Variants in SMYD3 observed in about 807,000 individuals in gnomAD.
SMYD3 encodes SET and MYND domain containing 3, also known as histone-lysine N-methyltransferase SMYD3.
In SMYD3, 36 loss-of-function variants were observed where a neutral mutation model predicts 57.7. The ratio of observed to expected loss-of-function variants is 0.62; its 90% CI spans 0.48 to 0.82. SMYD3 has a LOEUF of 0.82. SMYD3 is among the 40% of genes least tolerant of loss of function. The pLI is 0.00. For synonymous variants in SMYD3, 211 were observed against 195.0 expected, an observed-to-expected ratio of 1.08 and a Z score of -0.68; for missense variants, 515 against 538.8, an observed-to-expected ratio of 0.96 and a Z score of 0.44.
At chr1:246,410,045 G>T (rs2066937740) in intron 1 of SMYD3, among the ~76,000 whole-genome samples, 1 of 152,120 alleles carries the variant, frequency 6.6e-6, no homozygotes. Context: ...TGCTGAAGTT[G>T]CTTATCAGCT....
At chr1:245,785,636 AGAGC>A (rs1308230441) in intron 10 of SMYD3, among the ~76,000 whole-genome samples, 2 of 148,582 alleles carry the variant, frequency 1.3e-5, no homozygotes, top group Admixed American at 6.8e-5. Context: ...CCCCAGAGAG[AGAGC>A]GAGCGAGAGA....
At chr1:246,021,124 T>C (rs145422331) in intron 5 of SMYD3, among the ~76,000 whole-genome samples, 4 of 152,286 alleles carry the variant, frequency 2.6e-5, no homozygotes, top group Admixed American at 1.3e-4. Context: ...GTCACCAATT[T>C]AACAGAGAGA....
chr1:246,243,326 A>G (rs939458676), intron 5 of SMYD3, among the ~76,000 whole-genome samples: 3 of 133,568 alleles, frequency 2.2e-5, no homozygotes, highest in Non-Finnish European at 4.8e-5. Flanking sequence ...TGGTATATAT[A>G]TATTTTCTAT....
intron 5 of SMYD3, among the ~76,000 whole-genome samples, chr1:246,243,603 G>C (rs2063653838): frequency 6.6e-6 from 1 of 151,682 alleles, no homozygotes; most frequent in South Asian, 2.1e-4. Context: ...CAGTTATACT[G>C]TACATTATAT....
intron 5 of SMYD3, among the ~76,000 whole-genome samples, chr1:246,301,999 C>T (rs1334002340): frequency 6.6e-6 from 1 of 152,112 alleles, no homozygotes; most frequent in Non-Finnish European, 1.5e-5. Flanking sequence ...TTGGAACAGA[C>T]TCCCAGGGAG....
chr1:246,350,338 G>C (rs187834589), intron 2 of SMYD3, among the ~76,000 whole-genome samples: 2 of 152,166 alleles, frequency 1.3e-5, no homozygotes, highest in Non-Finnish European at 2.9e-5. Context: ...CCAGGACTTA[G>C]AGCATAATAA....
At chr1:246,170,166 C>T (rs2062303362) in intron 5 of SMYD3, among the ~76,000 whole-genome samples, 1 of 151,834 alleles carries the variant, frequency 6.6e-6, no homozygotes, top group South Asian at 2.1e-4. Context: ...CTATCAAAAA[C>T]AATAATTAAA....
intron 5 of SMYD3, among the ~76,000 whole-genome samples, chr1:246,061,556 T>TAA (rs1367550594): frequency 1.4e-5 from 2 of 139,336 alleles, no homozygotes; most frequent in Admixed American, 7.2e-5. Flanking sequence ...CATCTCTACT[T>TAA]AAAAAAAAAA....
At chr1:246,491,369 C>T (rs749777862) in intron 1 of SMYD3, among the ~76,000 whole-genome samples, 2 of 152,116 alleles carry the variant, frequency 1.3e-5, no homozygotes, top group African/African-American at 2.4e-5. Flanking sequence ...AAAACTCCGT[C>T]TGTACTAAAA....
chr1:245,993,917 CA>C (rs2058869029), intron 5 of SMYD3, among the ~76,000 whole-genome samples: 1 of 151,992 alleles, frequency 6.6e-6, no homozygotes, highest in African/African-American at 2.4e-5. Context: ...TATATCTTAC[CA>C]CCATAAAAAG....
intron 5 of SMYD3, among the ~76,000 whole-genome samples, chr1:246,125,770 C>T (rs2061499737): frequency 6.6e-6 from 1 of 152,022 alleles, no homozygotes; most frequent in Admixed American, 6.6e-5. Context: ...TCCTGAATAA[C>T]AGACAAATAT....
intron 5 of SMYD3, among the ~76,000 whole-genome samples, chr1:246,040,905 G>T (rs1447865525): frequency 1.3e-5 from 2 of 152,014 alleles, no homozygotes; most frequent in Non-Finnish European, 2.9e-5. Context: ...TTCCCTCTCT[G>T]ATATATATAA....
intron 5 of SMYD3, among the ~76,000 whole-genome samples, chr1:245,984,806 A>G (rs77380337): frequency 0.032 from 4,917 of 152,256 alleles, 262 homozygotes; most frequent in African/African-American, 0.11. Context: ...AACATAAACA[A>G]AAGTCTCCCT....
intron 5 of SMYD3, among the ~76,000 whole-genome samples, chr1:246,222,371 C>T (rs890969443): frequency 6.6e-6 from 1 of 152,084 alleles, no homozygotes; most frequent in Non-Finnish European, 1.5e-5. Flanking sequence ...ATCCATATTA[C>T]AGAAAATGGA....
intron 5 of SMYD3, among the ~76,000 whole-genome samples, chr1:246,092,194 G>C (rs1344126694): frequency 8.6e-5 from 13 of 151,976 alleles, no homozygotes; most frequent in Non-Finnish European, 5.9e-5. Context: ...TCAGGCTGAG[G>C]GTCATTTTAA....
chr1:246,020,870 G>C (rs749283852), intron 5 of SMYD3, among the ~76,000 whole-genome samples: 1 of 152,004 alleles, frequency 6.6e-6, no homozygotes, highest in African/African-American at 2.4e-5. Context: ...AACTTTTAAC[G>C]TGACTGAATC....
intron 11 of SMYD3, among the ~76,000 whole-genome samples, chr1:245,752,395 C>T (rs2045427805): frequency 1.3e-5 from 2 of 152,096 alleles, no homozygotes; most frequent in Admixed American, 1.3e-4. Flanking sequence ...TCTTTTTTGC[C>T]CTCCTGGTTA....
intron 10 of SMYD3, among the ~76,000 whole-genome samples, chr1:245,796,257 A>AT (rs1481297771): frequency 6.6e-6 from 1 of 152,210 alleles, no homozygotes; most frequent in Non-Finnish European, 1.5e-5. Flanking sequence ...TTGTTTCAAT[A>AT]TTTTATCAAA....
intron 5 of SMYD3, among the ~76,000 whole-genome samples, chr1:246,016,890 C>T (rs893924295): frequency 2.6e-5 from 4 of 152,052 alleles, no homozygotes; most frequent in Non-Finnish European, 5.9e-5. Context: ...CCTGCCTTGT[C>T]GGTCTAATGC....
Sources: allele counts gnomAD v4.1 joint callset (sites outside exome capture counted in the v4.1 genomes callset), GRCh38; gene constraint gnomAD v4.1.1; transcripts MANE v1.5; gene names NCBI Gene and HGNC (gene_info 2026-07-23, HGNC 2026-07-21).